IKBKB-DT: variants seen among roughly 807,000 people sequenced by gnomAD.
The protein encoded by IKBKB-DT is IKBKB antisense RNA.
At chr8:42,240,376 G>A (rs1806984514) in intron 3 of IKBKB-DT, among the ~76,000 whole-genome samples, 1 of 151,962 alleles carries the variant, frequency 6.6e-6, no homozygotes, top group African/African-American at 2.4e-5. Flanking sequence ...TGCAATCCCA[G>A]CACTTTGGGA....
chr8:42,269,092 A>T (rs918816511), intron 1 of IKBKB-DT, among the ~76,000 whole-genome samples: 2 of 151,536 alleles, frequency 1.3e-5, no homozygotes, highest in Non-Finnish European at 2.9e-5. Flanking sequence ...AGGCGGGAGG[A>T]TTGCTTTGAG....
chr8:42,270,174 C>T (rs1485645603), intron 1 of IKBKB-DT, among the ~76,000 whole-genome samples: 3 of 152,242 alleles, frequency 2.0e-5, no homozygotes, highest in Non-Finnish European at 4.4e-5. Context: ...AGCTCATCTA[C>T]GTAGCAGCCA....
exon 1 of IKBKB-DT, chr8:42,271,038 C>G (rs1807613024): frequency 4.1e-6 from 1 of 242,976 alleles, no homozygotes; most frequent in Admixed American, 5.7e-5. Flanking sequence ...TCCCCATACC[C>G]GGGCCCAGAA....
chr8:42,264,234 C>A (rs1807336762), intron 2 of IKBKB-DT, among the ~76,000 whole-genome samples: 1 of 151,646 alleles, frequency 6.6e-6, no homozygotes, highest in Non-Finnish European at 1.5e-5. Context: ...CAAGGTCTTG[C>A]TGGTCTCGAA....
chr8:42,248,072 G>A (rs1421101622), intron 3 of IKBKB-DT, among the ~76,000 whole-genome samples: 7 of 149,992 alleles, frequency 4.7e-5, no homozygotes, highest in African/African-American at 7.4e-5. Context: ...CAGCCTGGGC[G>A]ACAGAGCAAG....
At chr8:42,265,106 A>C (rs1383809663) in intron 2 of IKBKB-DT, among the ~76,000 whole-genome samples, 1 of 151,926 alleles carries the variant, frequency 6.6e-6, no homozygotes, top group Non-Finnish European at 1.5e-5. Flanking sequence ...CAGGTGATCC[A>C]CCCCACTCGG....
At chr8:42,248,861 G>A (rs1244311160) in intron 3 of IKBKB-DT, among the ~76,000 whole-genome samples, 3 of 145,546 alleles carry the variant, frequency 2.1e-5, no homozygotes, top group Admixed American at 6.7e-5. Flanking sequence ...TGGCAACAGA[G>A]GCTCTACCAA....
chr8:42,254,492 C>T (rs902744732), intron 3 of IKBKB-DT, among the ~76,000 whole-genome samples: 3 of 151,140 alleles, frequency 2.0e-5, no homozygotes, highest in Admixed American at 2.0e-4. Flanking sequence ...AGTGCCTCTG[C>T]CCAGCTGCCA....
chr8:42,269,346 AAAAGGAAAGGAAAGGAAG>A (rs750766876), intron 1 of IKBKB-DT, among the ~76,000 whole-genome samples: 73 of 146,262 alleles, frequency 5.0e-4, no homozygotes, highest in Non-Finnish European at 8.6e-4. Flanking sequence ...AAAAGGAAAG[AAAAGGAAAGGAAAGGAAG>A]AAAGGAAAGG....
chr8:42,267,816 A>C (rs550835450), intron 1 of IKBKB-DT, among the ~76,000 whole-genome samples: 3 of 152,322 alleles, frequency 2.0e-5, no homozygotes, highest in Non-Finnish European at 4.4e-5. Context: ...TTAAGATAAT[A>C]AATATCTTGG....
intron 3 of IKBKB-DT, among the ~76,000 whole-genome samples, chr8:42,234,458 T>C (rs948307391): frequency 6.6e-6 from 1 of 152,204 alleles, no homozygotes; most frequent in Non-Finnish European, 1.5e-5. Context: ...ATTTCTGTGA[T>C]ACACAACATT....
chr8:42,258,152 C>T (rs889256897), intron 3 of IKBKB-DT, among the ~76,000 whole-genome samples: 1 of 152,098 alleles, frequency 6.6e-6, no homozygotes, highest in Middle Eastern at 3.4e-3. Flanking sequence ...TCCAATAAAA[C>T]TTTGTAATTT....
At chr8:42,252,639 T>C (rs564997168) in intron 3 of IKBKB-DT, among the ~76,000 whole-genome samples, 2 of 152,302 alleles carry the variant, frequency 1.3e-5, no homozygotes, top group Non-Finnish European at 2.9e-5. Flanking sequence ...TGTGCTGGGA[T>C]TACAGGCGTG....
chr8:42,252,189 G>T (rs975603476), intron 3 of IKBKB-DT, among the ~76,000 whole-genome samples: 15 of 152,326 alleles, frequency 9.8e-5, no homozygotes, highest in Non-Finnish European at 1.8e-4. Flanking sequence ...AAAGATTAGG[G>T]TGGGATGGCC....
At chr8:42,240,429 C>T (rs1806985500) in intron 3 of IKBKB-DT, among the ~76,000 whole-genome samples, 1 of 151,030 alleles carries the variant, frequency 6.6e-6, no homozygotes, top group African/African-American at 2.4e-5. Flanking sequence ...TCGAGACCAT[C>T]CTGGCTAACA....
At chr8:42,265,727 A>G (rs1807360350) in exon 2 of IKBKB-DT, 1 of 152,250 alleles carries the variant, frequency 6.6e-6, no homozygotes, top group African/African-American at 2.4e-5. Flanking sequence ...AATTTACTGG[A>G]ATAAAAACGT....
intron 1 of IKBKB-DT, among the ~76,000 whole-genome samples, chr8:42,267,844 A>AG (rs1807395278): frequency 6.6e-6 from 1 of 152,180 alleles, no homozygotes; most frequent in Non-Finnish European, 1.5e-5. Context: ...TAAAACCCAG[A>AG]GGCCCCTTCC....
chr8:42,238,592 A>G (rs1806955360), intron 3 of IKBKB-DT, among the ~76,000 whole-genome samples: 1 of 152,240 alleles, frequency 6.6e-6, no homozygotes, highest in Admixed American at 6.5e-5. Flanking sequence ...TTTACTGGTT[A>G]GGAGTCACGG....
At chr8:42,268,652 C>T (rs1236442920) in intron 1 of IKBKB-DT, among the ~76,000 whole-genome samples, 1 of 150,782 alleles carries the variant, frequency 6.6e-6, no homozygotes, top group Non-Finnish European at 1.5e-5. Context: ...CTGCAACCTC[C>T]AGCTCCTGGG....
Sources: gnomAD v4.1 joint callset for allele counts (sites outside exome capture counted in the v4.1 genomes callset) on GRCh38, gnomAD v4.1.1 for gene constraint, MANE v1.5 for transcripts, NCBI Gene and HGNC (gene_info 2026-07-23, HGNC 2026-07-21) for gene names.